The following HHLA2 variants were observed in gnomAD, a reference collection of about 807,000 sequenced individuals.
HHLA2 encodes HERV-H LTR-associating protein 2.
A neutral mutation model predicts 45.9 loss-of-function variants in HHLA2; 48 were observed. The observed-to-expected ratio is 1.05, with a 90% CI of 0.83 to 1.33. The LOEUF (loss-of-function observed/expected upper bound fraction) is 1.33. Among genes scored for constraint, HHLA2 ranks in the 40% most tolerant of loss-of-function variants. The probability of loss-of-function intolerance (pLI) is 0.00; values close to 1 mark genes in which losing one functional copy is unlikely to be tolerated. For missense variants in HHLA2, 462 were observed against 494.3 expected, an observed-to-expected ratio of 0.93 and a Z score of 0.62; for synonymous variants, 161 against 173.9, an observed-to-expected ratio of 0.93 and a Z score of 0.59.
chr3:108,351,205 A>T (rs1182969511), intron 3 of HHLA2, among the ~76,000 whole-genome samples: 1 of 152,204 alleles, frequency 6.6e-6, no homozygotes, highest in African/African-American at 2.4e-5. Flanking sequence ...TTTGTAACCC[A>T]TGAATTTAAT....
chr3:108,356,225 T>G (rs1192942788), intron 6 of HHLA2, among the ~76,000 whole-genome samples: 1 of 151,976 alleles, frequency 6.6e-6, no homozygotes, highest in East Asian at 1.9e-4. Context: ...AGAGACAGGG[T>G]TTCACCATGT....
At chr3:108,321,219 T>C (rs891534152) in intron 2 of HHLA2, among the ~76,000 whole-genome samples, 1 of 152,016 alleles carries the variant, frequency 6.6e-6, no homozygotes, top group South Asian at 2.1e-4. Flanking sequence ...TTTTGGAATG[T>C]CTGTTCACCA....
chr3:108,312,388 G>C (rs573629814), intron 2 of HHLA2, among the ~76,000 whole-genome samples: 1 of 152,258 alleles, frequency 6.6e-6, no homozygotes, highest in Non-Finnish European at 1.5e-5. Flanking sequence ...GCTATGTCAA[G>C]GGACAGGGAA....
In HHLA2 at chr3:108,359,372, C is replaced by A. The variant is rs114511752; in HGVS notation, c.1003+1211C>A. ...GGGGCTGGGGGAGGGTGTGCTCACC[C>A]TTCCCCACGAGGAAGAGGACTTGGC... On this transcript the variant is annotated intron_variant, in intron 7 of 10. Transcript: ENST00000619531. 9.5e-3 allele frequency among the ~76,000 whole-genome samples: 1,445 copies of A among 152,228 alleles called. 17 individuals carry two copies. Among genetic ancestry groups the A allele is most frequent in the African/African-American group, 0.032 (1,346 of 41,546 alleles).
At chr3:108,349,234 G>T (rs566961233) in intron 3 of HHLA2, among the ~76,000 whole-genome samples, 3 of 150,416 alleles carry the variant, frequency 2.0e-5, no homozygotes, top group African/African-American at 7.3e-5. Context: ...CAACAAAATA[G>T]ATAGACCACT....
chr3:108,310,233 G>A (rs1438037634), intron 1 of HHLA2, among the ~76,000 whole-genome samples: 2 of 152,064 alleles, frequency 1.3e-5, no homozygotes, highest in African/African-American at 2.4e-5. Context: ...AATAAAAGAT[G>A]TTATATTAGT....
chr3:108,339,452 T>G (rs889893336), intron 3 of HHLA2, among the ~76,000 whole-genome samples: 1 of 152,176 alleles, frequency 6.6e-6, no homozygotes, highest in Non-Finnish European at 1.5e-5. Context: ...GCAAATTACT[T>G]AACCTCTCTG....
intron 1 of HHLA2, among the ~76,000 whole-genome samples, chr3:108,310,164 G>A (rs1036173370): frequency 6.6e-5 from 10 of 151,704 alleles, no homozygotes; most frequent in South Asian, 2.1e-4. Context: ...TTCTTATACC[G>A]CTTATATTTA....
intron 3 of HHLA2, among the ~76,000 whole-genome samples, chr3:108,342,232 C>T (rs898768267): frequency 5.4e-5 from 8 of 147,964 alleles, no homozygotes; most frequent in South Asian, 2.2e-4. Context: ...TGATGCTTAT[C>T]GGCTGGCTCC....
rs113098825 is a variant in HHLA2, at chr3:108,328,467, T to C, written c.-27+120T>C. The C allele has an allele frequency of 5.5e-4, 359 of 649,684 alleles. No homozygotes were observed. In the African/African-American group the frequency reaches 5.8e-3, roughly 11 times the overall value. The allele number at this position is 649,684 out of a possible 1,614,324, so 40.2% of individuals were successfully genotyped here. A position where few individuals can be genotyped will look rare whatever the true frequency, so the allele number is the denominator to read the frequency against. ...GCAAATATTATTAACATAATTCTTA[T>C]AACAGTGATTTGGAGGTGAATATTA... On this transcript the variant is annotated intron_variant, in intron 3 of 10. Transcript: ENST00000619531.
chr3:108,374,635 A>G (rs1021512017), intron 8 of HHLA2, among the ~76,000 whole-genome samples: 1 of 151,750 alleles, frequency 6.6e-6, no homozygotes, highest in Non-Finnish European at 1.5e-5. Context: ...ATTTACAAGA[A>G]AAAAACAAAC....
chr3:108,328,307 G>C, exon 3 of HHLA2: 1 of 1,530,096 alleles, frequency 6.5e-7, no homozygotes, highest in Non-Finnish European at 8.7e-7. Context: ...GATTGTGATG[G>C]TGATGTGGAA....
intron 1 of HHLA2, among the ~76,000 whole-genome samples, chr3:108,297,263 T>C (rs920998503): frequency 6.6e-6 from 1 of 152,228 alleles, no homozygotes; most frequent in African/African-American, 2.4e-5. Context: ...TTAGGTTTTT[T>C]TGTGTTACTG....
intron 8 of HHLA2, among the ~76,000 whole-genome samples, chr3:108,369,327 G>C (rs2082123815): frequency 6.6e-6 from 1 of 152,096 alleles, no homozygotes; most frequent in South Asian, 2.1e-4. Flanking sequence ...GAGATTCACG[G>C]GGGGAGGAGC....
rs554625316 is a variant in HHLA2, at chr3:108,360,687, G to A, written c.1004-1655G>A. Among the ~76,000 whole-genome samples the A allele has an allele frequency of 6.6e-5, 10 of 152,254 alleles. No individual in the cohort carries two copies. The East Asian group carries it at 7.7e-4, about 12-fold the overall frequency. ...CAGGTGGGATGCAGTGGCGTGACAC[G>A]ATATTTCTTCATGCTACTCAGAATG... On this transcript the variant is annotated intron_variant, in intron 7 of 10. Coordinates refer to ENST00000619531, the Ensembl canonical transcript of HHLA2.
chr3:108,367,675 T>G (rs908756650), intron 8 of HHLA2, among the ~76,000 whole-genome samples: 1 of 151,880 alleles, frequency 6.6e-6, no homozygotes, highest in Non-Finnish European at 1.5e-5. Context: ...TGAAAAGGAA[T>G]GAACAAAGCC....
chr3:108,300,377 T>C (rs954615924), intron 1 of HHLA2, among the ~76,000 whole-genome samples: 31 of 152,148 alleles, frequency 2.0e-4, no homozygotes, highest in African/African-American at 4.8e-5. Flanking sequence ...AAGGAGTTGA[T>C]GAGTCAAAGA....
At chr3:108,374,554 G>A (rs1246121160) in intron 8 of HHLA2, among the ~76,000 whole-genome samples, 4 of 149,352 alleles carry the variant, frequency 2.7e-5, no homozygotes, top group Non-Finnish European at 5.9e-5. Context: ...CCTACAGAAT[G>A]GGAGAAAATT....
At chr3:108,368,535 CAAAAAAAAAAAAAAAAAAAAAAAAAA>C (rs55718572) in intron 8 of HHLA2, among the ~76,000 whole-genome samples, 1 of 6,602 alleles carries the variant, frequency 1.5e-4, no homozygotes, top group South Asian at 9.8e-3. Flanking sequence ...AAACGAAGAG[CAAAAAAAAAAAAAAAAAAAAAAAAAA>C]AAAAAAAAAG....
Sources: gnomAD v4.1 joint callset for allele counts (sites outside exome capture counted in the v4.1 genomes callset) on GRCh38, gnomAD v4.1.1 for gene constraint, MANE v1.5 for transcripts, NCBI Gene and HGNC (gene_info 2026-07-23, HGNC 2026-07-21) for gene names.